SCMH1: variants seen among roughly 807,000 people sequenced by gnomAD.
SCMH1 encodes polycomb protein SCMH1.
A neutral mutation model predicts 70.8 loss-of-function variants in SCMH1; 37 were observed. That is an observed-to-expected ratio of 0.52 (90% CI 0.40 to 0.69). SCMH1 has a LOEUF of 0.69. SCMH1 is among the 30% of genes least tolerant of loss of function. The pLI, the probability that SCMH1 is intolerant of heterozygous loss-of-function variation, is 0.00. For missense variants in SCMH1, 607 were observed against 827.3 expected (o/e 0.73, Z 3.27); for synonymous variants, 292 against 307.4 (o/e 0.95, Z 0.52).
chr1:41,151,818 A>G, intron 4 of SCMH1, 134 bp from the exon 5 acceptor site: 2 of 516,032 alleles, frequency 3.9e-6, no homozygotes, highest in South Asian at 5.6e-5. Flanking sequence ...TTCCTGTTTG[A>G]GCTCAAAGGA....
At chr1:41,119,955 G>T (rs1223715363) in intron 6 of SCMH1, among the ~76,000 whole-genome samples, 7 of 152,142 alleles carry the variant, frequency 4.6e-5, no homozygotes, top group Non-Finnish European at 1.0e-4. Context: ...CAAGCGTGGT[G>T]TTTATGTGGG....
chr1:41,147,609 A>C (rs1037072505), intron 5 of SCMH1, among the ~76,000 whole-genome samples: 37 of 151,892 alleles, frequency 2.4e-4, no homozygotes, highest in African/African-American at 8.7e-4. Flanking sequence ...TTTTTTCTCT[A>C]CTTGTTCTTT....
At chr1:41,167,912 G>GT (rs1168969984) in intron 2 of SCMH1, among the ~76,000 whole-genome samples, 4 of 27,112 alleles carry the variant, frequency 1.5e-4, no homozygotes, top group East Asian at 1.1e-3. Context: ...GCAGTGTTTT[G>GT]TTTTTTTTTT....
intron 7 of SCMH1, 94 bp downstream of exon 7, chr1:41,116,828 A>C (rs1670583739): frequency 3.3e-6 from 3 of 907,392 alleles, no homozygotes; most frequent in Non-Finnish European, 3.3e-6. Flanking sequence ...ATTTCTGAGA[A>C]GGCATCTTCA....
At chr1:41,036,423 T>A (rs1416177711) in intron 13 of SCMH1, among the ~76,000 whole-genome samples, 1 of 152,222 alleles carries the variant, frequency 6.6e-6, no homozygotes, top group East Asian at 1.9e-4. Flanking sequence ...TCTGATTAAA[T>A]CCTCAAATCT....
intron 1 of SCMH1, among the ~76,000 whole-genome samples, chr1:41,241,382 G>A (rs948459855): frequency 2.0e-5 from 3 of 152,200 alleles, no homozygotes; most frequent in African/African-American, 7.2e-5. Flanking sequence ...GTGCGGGGCC[G>A]CTCTCCCTGC....
chr1:41,161,309 G>A, intron 3 of SCMH1, 55 bp downstream of exon 3: 1 of 1,545,662 alleles, frequency 6.5e-7, no homozygotes, highest in East Asian at 2.4e-5. Flanking sequence ...AGGTTTTATG[G>A]GAAAAGATGC....
At position 41,175,832 on chromosome 1, in the gene SCMH1, T is replaced by G. The variant is rs114705273; in HGVS notation, c.13+10289A>C. 5.4e-3 allele frequency among the ~76,000 whole-genome samples: 830 copies of G among 152,298 alleles called. 11 individuals carry two copies. The highest frequency in any genetic ancestry group is 0.019 in the African/African-American group (798 of 41,554). On this transcript the variant is annotated intron_variant, in intron 2 of 14. Coordinates refer to ENST00000337495, the Ensembl canonical transcript of SCMH1. ...TAGTAGCCTGCTATGCTTGTTTTCC[T>G]CTGAATCATCAGTAAAGATTAAAAA...
At chr1:41,118,308 G>A (rs1671051377) in intron 6 of SCMH1, among the ~76,000 whole-genome samples, 2 of 152,084 alleles carry the variant, frequency 1.3e-5, no homozygotes, top group Non-Finnish European at 2.9e-5. Flanking sequence ...AACACATAAC[G>A]TAATGCCTAG....
intron 2 of SCMH1, among the ~76,000 whole-genome samples, chr1:41,169,832 G>A (rs997717347): frequency 6.6e-6 from 1 of 152,132 alleles, no homozygotes; most frequent in Non-Finnish European, 1.5e-5. Flanking sequence ...TTTTCCTGCA[G>A]AGGTCTAGAG....
intron 2 of SCMH1, among the ~76,000 whole-genome samples, chr1:41,163,462 G>A (rs543848621): frequency 2.6e-5 from 4 of 152,274 alleles, no homozygotes; most frequent in African/African-American, 4.8e-5. Context: ...ACAGGTTTCC[G>A]GCCAGAAAAG....
chr1:41,130,199 G>A (rs1170126868), intron 6 of SCMH1, among the ~76,000 whole-genome samples: 1 of 152,114 alleles, frequency 6.6e-6, no homozygotes, highest in Admixed American at 6.6e-5. Flanking sequence ...AGGTTTAGGA[G>A]TTTTTATTTT....
intron 1 of SCMH1, among the ~76,000 whole-genome samples, chr1:41,213,004 G>A (rs1657362108): frequency 6.6e-6 from 1 of 152,120 alleles, no homozygotes; most frequent in Non-Finnish European, 1.5e-5. Context: ...TGGATGATCT[G>A]TATGCCAGTA....
At chr1:41,195,070 G>A (rs1652679914) in intron 1 of SCMH1, among the ~76,000 whole-genome samples, 1 of 138,070 alleles carries the variant, frequency 7.2e-6, no homozygotes, top group African/African-American at 2.6e-5. Context: ...GGTGGAGGTT[G>A]TGGTGAGCTA....
chr1:41,173,086 T>C (rs1344579607), intron 2 of SCMH1, among the ~76,000 whole-genome samples: 1 of 151,946 alleles, frequency 6.6e-6, no homozygotes, highest in Non-Finnish European at 1.5e-5. Flanking sequence ...ATTACACAAT[T>C]AGACATCACG....
chr1:41,038,613 G>C (rs1178809084), intron 12 of SCMH1, among the ~76,000 whole-genome samples: 1 of 152,122 alleles, frequency 6.6e-6, no homozygotes, highest in African/African-American at 2.4e-5. Flanking sequence ...TGGCAACTAT[G>C]AGCTCAAAGT....
chr1:41,180,986 A>G (rs1009842903), intron 2 of SCMH1, among the ~76,000 whole-genome samples: 4 of 152,160 alleles, frequency 2.6e-5, no homozygotes, highest in Non-Finnish European at 5.9e-5. Flanking sequence ...CATGGTAGTG[A>G]TACCAAAACA....
chr1:41,093,376 T>TTA (rs1664173619), intron 8 of SCMH1, among the ~76,000 whole-genome samples: 1 of 63,436 alleles, frequency 1.6e-5, no homozygotes, highest in South Asian at 6.4e-4. Flanking sequence ...TGTCATGGGG[T>TTA]GGGGGGAGGG....
intron 1 of SCMH1, among the ~76,000 whole-genome samples, chr1:41,238,736 T>C (rs1662891750): frequency 6.6e-6 from 1 of 152,226 alleles, no homozygotes; most frequent in Non-Finnish European, 1.5e-5. Context: ...GACCTCGCTG[T>C]CACCTAGAAC....
Sources: allele counts gnomAD v4.1 joint callset (sites outside exome capture counted in the v4.1 genomes callset), GRCh38; gene constraint gnomAD v4.1.1; transcripts MANE v1.5; gene names NCBI Gene and HGNC (gene_info 2026-07-23, HGNC 2026-07-21).